Variants in SEC61B observed in about 807,000 individuals in gnomAD.
The protein encoded by SEC61B is SEC61 translocon subunit beta.
A neutral mutation model predicts 12.6 loss-of-function variants in SEC61B; 7 were observed. That is an observed-to-expected ratio of 0.55 (90% CI 0.32 to 1.04). SEC61B has a LOEUF of 1.04. Ranked by LOEUF, SEC61B falls within the 50% of genes least tolerant of loss-of-function variation. The probability of loss-of-function intolerance (pLI) is 0.05; values close to 1 mark genes in which losing one functional copy is unlikely to be tolerated. For missense variants in SEC61B, 107 were observed against 130.1 expected, an observed-to-expected ratio of 0.82 and a Z score of 0.86; for synonymous variants, 54 against 50.1, an observed-to-expected ratio of 1.08 and a Z score of -0.33.
At chr9:99,224,342 AGTGCTGTCCCCTTC>A (rs1292347277) in intron 2 of SEC61B, among the ~76,000 whole-genome samples, 2 of 152,154 alleles carry the variant, frequency 1.3e-5, no homozygotes, top group Non-Finnish European at 2.9e-5. Flanking sequence ...ATGGGCTTTG[AGTGCTGTCCCCTTC>A]CCACCCTGGG....
At chr9:99,223,733 G>A (rs147393967) in intron 2 of SEC61B, among the ~76,000 whole-genome samples, 129 of 152,276 alleles carry the variant, frequency 8.5e-4, no homozygotes, top group Middle Eastern at 3.4e-3. Flanking sequence ...TCCAGCACTC[G>A]TGAACCCATT....
At position 99,222,381 on chromosome 9, in the gene SEC61B, C is replaced by G. The variant is rs371050837; in HGVS notation, c.3+15C>G. 3 of 1,614,038 alleles carry G rather than the reference C, an allele frequency of 1.9e-6. No individual in the cohort carries two copies. The African/African-American group carries it at 4.0e-5, about 22-fold the overall frequency. Reference sequence around the variant, plus strand: ...TCTCCAATATGGTATGGCGGCCCTTCCATGATCCCCGCCTCTCCCAGAAGC... The same window carrying G: ...TCTCCAATATGGTATGGCGGCCCTTGCATGATCCCCGCCTCTCCCAGAAGC... On this transcript the variant is annotated intron_variant, in intron 1 of 3. Coordinates refer to ENST00000223641, the MANE Select transcript of SEC61B (RefSeq NM_006808.3).
intron 2 of SEC61B, among the ~76,000 whole-genome samples, chr9:99,223,433 GC>G (rs1309120658): frequency 6.8e-6 from 1 of 147,602 alleles, no homozygotes; most frequent in Non-Finnish European, 1.5e-5. Flanking sequence ...TCACTCTGTC[GC>G]CCAGGCTGGA....
intron 3 of SEC61B, among the ~76,000 whole-genome samples, chr9:99,229,966 A>T (rs528110659): frequency 1.3e-5 from 2 of 152,216 alleles, no homozygotes; most frequent in Non-Finnish European, 2.9e-5. Flanking sequence ...ATTTGAAAAA[A>T]AAAGTTTGGT....
At chr9:99,223,668 A>G (rs1425615667) in intron 2 of SEC61B, among the ~76,000 whole-genome samples, 1 of 152,242 alleles carries the variant, frequency 6.6e-6, no homozygotes. Flanking sequence ...CTGGAATTAC[A>G]GGCGTGAGCC....
chr9:99,227,474 G>A lies in SEC61B; in HGVS notation c.102-425G>A, dbSNP rs920973814. On this transcript the variant is annotated intron_variant, in intron 2 of 3. Coordinates refer to ENST00000223641, the MANE Select transcript of SEC61B (RefSeq NM_006808.3). The stretch of plus-strand genomic sequence containing the variant: ...TATGGATTCAGGGCATTTTAAAACA[G>A]GAATTTATTATTTGGCTTCATGAAA... Among the ~76,000 whole-genome samples the A allele has an allele frequency of 2.6e-5, 4 of 152,146 alleles. No homozygotes were observed. The South Asian group carries it at 8.3e-4, about 32-fold the overall frequency.
chr9:99,224,744 T>C (rs142926615), intron 2 of SEC61B, among the ~76,000 whole-genome samples: 294 of 152,298 alleles, frequency 1.9e-3, no homozygotes, highest in Admixed American at 3.3e-3. Flanking sequence ...TCTAGAATGG[T>C]AGTGATTAAG....
intron 3 of SEC61B, among the ~76,000 whole-genome samples, chr9:99,228,623 T>C (rs947065674): frequency 6.6e-6 from 1 of 152,250 alleles, no homozygotes; most frequent in Non-Finnish European, 1.5e-5. Flanking sequence ...GTGGCAGATC[T>C]TATCCCACAG....
At chr9:99,225,766 A>G (rs1174620487) in intron 2 of SEC61B, among the ~76,000 whole-genome samples, 1 of 152,196 alleles carries the variant, frequency 6.6e-6, no homozygotes, top group East Asian at 1.9e-4. Context: ...AGCAGAAATA[A>G]GAAATCTTAA....
chr9:99,222,439 C>G, intron 1 of SEC61B, 73 bp downstream of exon 1: 3 of 1,610,718 alleles, frequency 1.9e-6, no homozygotes, highest in Non-Finnish European at 1.7e-6. Flanking sequence ...CGTGCTTTTC[C>G]TCTGTAGCTC....
chr9:99,224,352 C>G (rs931521007), intron 2 of SEC61B, among the ~76,000 whole-genome samples: 1 of 152,048 alleles, frequency 6.6e-6, no homozygotes, highest in Non-Finnish European at 1.5e-5. Flanking sequence ...AGTGCTGTCC[C>G]CTTCCCACCC....
intron 2 of SEC61B, 64 bp from the exon 3 acceptor site, chr9:99,227,835 A>G: frequency 8.9e-7 from 1 of 1,122,458 alleles, no homozygotes. Context: ...ATGGTAGCAT[A>G]TGTTATAATG....
chr9:99,226,512 A>C (rs143555785), intron 2 of SEC61B, among the ~76,000 whole-genome samples: 1 of 152,318 alleles, frequency 6.6e-6, no homozygotes, highest in South Asian at 2.1e-4. Context: ...GGGAGGGTAT[A>C]CTGGGATTTG....
At chr9:99,227,092 C>G (rs2119019918) in intron 2 of SEC61B, among the ~76,000 whole-genome samples, 1 of 151,706 alleles carries the variant, frequency 6.6e-6, no homozygotes, top group African/African-American at 2.4e-5. Flanking sequence ...ATGGTGAAAC[C>G]CTGTCTCTAC....
chr9:99,227,832 CAT>C, intron 2 of SEC61B, 65 bp from the exon 3 acceptor site: 1 of 1,086,294 alleles, frequency 9.2e-7, no homozygotes, highest in Non-Finnish European at 1.4e-6. Flanking sequence ...ATAATGGTAG[CAT>C]ATGTTATAAT....
rs1828843218 is a variant in SEC61B at position 99,222,654 on chromosome 9, C to CTGCA, written c.101+12_101+15dup. ...CACTGTCCGGCAGAGGTAAGGAACC[C>CTGCA]TGCAGTTCGTTCGCTTCCAGACTCG... is the stretch of plus-strand genomic sequence containing the variant. On this transcript the variant is annotated intron_variant, in intron 2 of 3. Coordinates refer to ENST00000223641, the MANE Select transcript of SEC61B (RefSeq NM_006808.3). 6.6e-7 allele frequency: 1 copy of CTGCA among 1,514,632 alleles called. No homozygotes were observed. The highest frequency in any genetic ancestry group is 1.4e-5 in the African/African-American group (1 of 71,908). The allele number at this position is 1,514,632 out of a possible 1,614,324, so 93.8% of individuals were successfully genotyped here. A position where few individuals can be genotyped will look rare whatever the true frequency, so the allele number is the denominator to read the frequency against.
chr9:99,225,094 G>A lies in SEC61B; in HGVS notation c.101+2451G>A, dbSNP rs141317248. 1.5e-4 allele frequency among the ~76,000 whole-genome samples: 23 copies of A among 152,254 alleles called. No individual in the cohort carries two copies. The East Asian group carries it at 2.5e-3, about 17-fold the overall frequency. On this transcript the variant is annotated intron_variant, in intron 2 of 3. Coordinates refer to ENST00000223641, the MANE Select transcript of SEC61B (RefSeq NM_006808.3). ...TGGGAATCAGGGATATTAAGATGGC[G>A]GAATAGCCACCAATGTATAGACATC...
intron 3 of SEC61B, among the ~76,000 whole-genome samples, chr9:99,229,952 C>A (rs1418122967): frequency 6.6e-6 from 1 of 151,896 alleles, no homozygotes; most frequent in Non-Finnish European, 1.5e-5. Flanking sequence ...TTAAATAAAT[C>A]TTAATTTGAA....
chr9:99,222,588 C>G lies in SEC61B; in HGVS notation c.46C>G (p.Arg16Gly). The change falls in exon 2 of 4, where the codon CGC (arginine) becomes GGC (glycine). Residue 16 changes from arginine (R) to glycine (G), a missense_variant. Arg to Gly is a moderately radical substitution (Grantham distance 125). Coordinates refer to ENST00000223641, the MANE Select transcript of SEC61B (RefSeq NM_006808.3). Reference sequence around the variant, plus strand: ...TGGCACTAACGTGGGATCCTCAGGGCGCTCTCCCAGCAAAGCAGTGGCCGC... The same window carrying G: ...TGGCACTAACGTGGGATCCTCAGGGGGCTCTCCCAGCAAAGCAGTGGCCGC... Reference protein sequence around the residue: ...PSGTNVGSSGRSPSKAVAARA... With the variant: ...PSGTNVGSSGGSPSKAVAARA... 1.9e-6 allele frequency: 3 copies of G among 1,560,476 alleles called. No individual in the cohort carries two copies. The highest frequency in any genetic ancestry group is 2.6e-6 in the Non-Finnish European group (3 of 1,152,394).
Sources: allele counts gnomAD v4.1 joint callset (sites outside exome capture counted in the v4.1 genomes callset), GRCh38; gene constraint gnomAD v4.1.1; transcripts MANE v1.5; gene names NCBI Gene and HGNC (gene_info 2026-07-23, HGNC 2026-07-21).